Variants in PTPRE observed in about 807,000 individuals in gnomAD.
The protein encoded by PTPRE is receptor-type tyrosine-protein phosphatase epsilon.
A neutral mutation model predicts 102.0 loss-of-function variants in PTPRE; 51 were observed. The ratio of observed to expected loss-of-function variants is 0.50; its 90% CI spans 0.40 to 0.63. The LOEUF (loss-of-function observed/expected upper bound fraction) is 0.63, where lower values mean the gene tolerates loss of function less well. Among genes scored for constraint, PTPRE ranks in the 30% least tolerant of loss-of-function variants. The pLI is 0.00. For missense variants in PTPRE, 752 were observed against 915.1 expected (o/e 0.82, Z 2.30); for synonymous variants, 345 against 348.2 (o/e 0.99, Z 0.10).
intron 12 of PTPRE, 61 bp downstream of exon 12, chr10:128,068,347 C>A: frequency 6.5e-7 from 1 of 1,534,608 alleles, no homozygotes; most frequent in South Asian, 1.2e-5. Flanking sequence ...GATGACTCAT[C>A]CTCATGGGCA....
intron 1 of PTPRE, among the ~76,000 whole-genome samples, chr10:127,945,882 G>A (rs953595237): frequency 2.6e-5 from 4 of 152,040 alleles, no homozygotes; most frequent in Non-Finnish European, 4.4e-5. Context: ...TCTTCTGGTC[G>A]TGCATATTGT....
Position 127,944,116 on chromosome 10 carries a change from A to G in PTPRE, c.-31+36807A>G, listed in dbSNP as rs1170868307. ...GCTTTGACTTTCGGCCAGGGTGGAG[A>G]GTGGCAGCAAATCATGGTTCTGCTG... On this transcript the variant is annotated intron_variant, in intron 1 of 20. Coordinates refer to ENST00000254667, the MANE Select transcript of PTPRE (RefSeq NM_006504.6). This position sits in a 1 kb window ranked among gnomAD's most constrained non-coding sequence, Gnocchi z 4.2. 6.6e-6 allele frequency among the ~76,000 whole-genome samples: 1 copy of G among 152,126 alleles called. No homozygotes were observed. Among genetic ancestry groups the G allele is most frequent in the Non-Finnish European group, 1.5e-5 (1 of 68,010 alleles).
intron 1 of PTPRE, among the ~76,000 whole-genome samples, chr10:127,945,102 A>G (rs1848534766): frequency 6.6e-6 from 1 of 152,176 alleles, no homozygotes; most frequent in Non-Finnish European, 1.5e-5. Context: ...ACCTCAGGAA[A>G]GACCCTCCAG....
chr10:127,934,861 G>A (rs1433826419), intron 1 of PTPRE: 1 of 152,274 alleles, frequency 6.6e-6, no homozygotes, highest in East Asian at 1.9e-4. Context: ...CACGGCCTCA[G>A]GAGGTGGGTT....
intron 2 of PTPRE, among the ~76,000 whole-genome samples, chr10:127,992,469 T>C (rs1827243453): frequency 6.6e-6 from 1 of 152,132 alleles, no homozygotes; most frequent in African/African-American, 2.4e-5. Context: ...TCTCTTTCTT[T>C]GGGAATGATT....
chr10:127,977,373 G>T (rs562892562), intron 1 of PTPRE, among the ~76,000 whole-genome samples: 1 of 152,136 alleles, frequency 6.6e-6, no homozygotes, highest in African/African-American at 2.4e-5. Flanking sequence ...ATAGAAACAT[G>T]TATGTAAACA....
chr10:127,927,019 C>A (rs1277165937), intron 1 of PTPRE, among the ~76,000 whole-genome samples: 1 of 151,734 alleles, frequency 6.6e-6, no homozygotes, highest in Admixed American at 6.6e-5. Context: ...ACTGTGTTGG[C>A]CAGGCCAGTC....
chr10:128,005,962 C>T (rs781015487), intron 2 of PTPRE, among the ~76,000 whole-genome samples: 4 of 152,170 alleles, frequency 2.6e-5, no homozygotes, highest in African/African-American at 9.7e-5. Context: ...CTTCATGTGG[C>T]CTTCCTCTCA....
rs138058188 is a variant in PTPRE at position 128,061,692 on chromosome 10, A to G, written c.602A>G (p.Lys201Arg). The change falls in exon 9 of 21, where the codon AAG (lysine) becomes AGG (arginine). Residue 201 changes from lysine (K) to arginine (R), a missense_variant. Lys to Arg is a conservative substitution (Grantham distance 26, BLOSUM62 2). Around this residue, in one of 2 missense-constraint regions of PTPRE, gnomAD observed 636 missense variants for 824.4 expected, o/e 0.77. Coordinates refer to ENST00000254667, the MANE Select transcript of PTPRE (RefSeq NM_006504.6). ...NASYIDGYKE[K>R]NKFIAAQGPK... is the part of the protein sequence containing the mutation. Reference sequence around the variant, plus strand: ...TATTTTTTCTAGGGTTACAAAGAGAAGAATAAATTCATAGCAGCTCAAGGT... The same window carrying G: ...TATTTTTTCTAGGGTTACAAAGAGAGGAATAAATTCATAGCAGCTCAAGGT... 3.0e-5 allele frequency: 47 copies of G among 1,583,006 alleles called. No homozygotes were observed. Among genetic ancestry groups the G allele is most frequent in the Non-Finnish European group, 3.9e-5 (46 of 1,167,052 alleles).
rs1228275773 is a variant in PTPRE at position 128,061,620 on chromosome 10, C to T, written c.589-59C>T. On this transcript the variant is annotated intron_variant, in intron 8 of 20. Coordinates refer to ENST00000254667, the MANE Select transcript of PTPRE (RefSeq NM_006504.6). ...ACTGCTTTCCTAACAGCAACACCAA[C>T]AAATCCTTTCAGCAAAGATAATTCT... 1.9e-6 allele frequency: 3 copies of T among 1,547,574 alleles called. No individual in the cohort carries two copies. In the Admixed American group the frequency reaches 6.5e-5, roughly 34 times the overall value.
At chr10:128,072,533 T>C (rs903079079) in intron 16 of PTPRE, 1 of 207,272 alleles carries the variant, frequency 4.8e-6, no homozygotes, top group African/African-American at 2.3e-5. Flanking sequence ...GTGCCTGTAA[T>C]CCCAGCTACT....
At chr10:127,923,875 T>C (rs960905779) in intron 1 of PTPRE, among the ~76,000 whole-genome samples, 1 of 152,158 alleles carries the variant, frequency 6.6e-6, no homozygotes, top group African/African-American at 2.4e-5. Flanking sequence ...CCCTGAGGGA[T>C]CAGAACAGAT....
At chr10:127,993,410 A>C (rs1364052105) in intron 2 of PTPRE, among the ~76,000 whole-genome samples, 2 of 152,062 alleles carry the variant, frequency 1.3e-5, no homozygotes, top group Non-Finnish European at 2.9e-5. Flanking sequence ...CCGCAGAGGG[A>C]CAGAAAACAG....
chr10:127,994,356 C>T (rs1589942388), intron 2 of PTPRE, among the ~76,000 whole-genome samples: 1 of 152,192 alleles, frequency 6.6e-6, no homozygotes, highest in Middle Eastern at 3.2e-3. Flanking sequence ...AACTTCCAGC[C>T]CCAAGTTACT....
intron 2 of PTPRE, among the ~76,000 whole-genome samples, chr10:128,006,151 A>G (rs977707484): frequency 1.3e-5 from 2 of 152,262 alleles, no homozygotes; most frequent in African/African-American, 4.8e-5. Flanking sequence ...GTCAACCCCC[A>G]GTACTGCATT....
In PTPRE at chr10:127,992,051, G is replaced by A. The variant is rs537178286; in HGVS notation, c.-8+9755G>A. Among the ~76,000 whole-genome samples, 5 of 152,220 alleles carry A rather than the reference G, an allele frequency of 3.3e-5. No homozygotes were observed. In the East Asian group the frequency reaches 5.8e-4, roughly 18 times the overall value. ...AGCTCCTCCCTGTGCCCAGCACCTC[G>A]GGGCCCCCAGGATCAGATTTTACCC... is the stretch of plus-strand genomic sequence containing the variant. On this transcript the variant is annotated intron_variant, in intron 2 of 20. Coordinates refer to ENST00000254667, the MANE Select transcript of PTPRE (RefSeq NM_006504.6).
At position 128,028,128 on chromosome 10, in the gene PTPRE, C is replaced by A. The variant is rs563150673; in HGVS notation, c.-7-12747C>A. On this transcript the variant is annotated intron_variant, in intron 2 of 20. Transcript: ENST00000254667. This position sits in a 1 kb window ranked among gnomAD's most constrained non-coding sequence, Gnocchi z 4.5. ...CAGACCACTGGATTTCTGGAGAACA[C>A]TGTACTTCGCCAGCCTGCGGCAGAC... is the stretch of plus-strand genomic sequence containing the variant. Among the ~76,000 whole-genome samples, 13 of 152,346 alleles carry A rather than the reference C, an allele frequency of 8.5e-5. No homozygotes were observed. Among genetic ancestry groups the A allele is most frequent in the African/African-American group, 3.1e-4 (13 of 41,578 alleles).
At chr10:128,033,328 A>G (rs1395522455) in intron 2 of PTPRE, among the ~76,000 whole-genome samples, 2 of 152,258 alleles carry the variant, frequency 1.3e-5, no homozygotes, top group African/African-American at 4.8e-5. Flanking sequence ...TTCACGAACC[A>G]TCAGATGATG....
At chr10:128,016,991 GA>G (rs1845488285) in intron 2 of PTPRE, among the ~76,000 whole-genome samples, 1 of 152,202 alleles carries the variant, frequency 6.6e-6, no homozygotes, top group African/African-American at 2.4e-5. Context: ...AATGTGGGTG[GA>G]AGATGAGGCA....
Sources: gnomAD v4.1 joint callset for allele counts (sites outside exome capture counted in the v4.1 genomes callset) on GRCh38, gnomAD v4.1.1 for gene constraint, gnomAD v4.1.1 regional missense constraint, Gnocchi (gnomAD v3.1) non-coding constraint, MANE v1.5 for transcripts, NCBI Gene and HGNC (gene_info 2026-07-23, HGNC 2026-07-21) for gene names.